The following RBFOX1 variants were observed in gnomAD, a reference collection of about 807,000 sequenced individuals.
The protein encoded by RBFOX1 is RNA binding fox-1 homolog 1.
A neutral mutation model predicts 57.7 loss-of-function variants in RBFOX1; 8 were observed. The ratio of observed to expected loss-of-function variants is 0.14; its 90% CI spans 0.08 to 0.25. RBFOX1 has a LOEUF of 0.25. RBFOX1 is among the 10% of genes least tolerant of loss of function. RBFOX1 has a pLI of 1.00. For missense variants in RBFOX1, 611 were observed against 548.5 expected (o/e 1.11, Z -1.14); for synonymous variants, 326 against 222.4 (o/e 1.47, Z -4.15).
At chr16:6,304,000 C>T (rs978500200) in intron 1 of RBFOX1, among the ~76,000 whole-genome samples, 14 of 150,976 alleles carry the variant, frequency 9.3e-5, no homozygotes, top group Admixed American at 3.3e-4. Flanking sequence ...TTAGTAGAAT[C>T]GGGGTTTCAC....
At chr16:6,264,677 C>G (rs544249952) in intron 1 of RBFOX1, among the ~76,000 whole-genome samples, 1 of 152,196 alleles carries the variant, frequency 6.6e-6, no homozygotes, top group East Asian at 1.9e-4. Flanking sequence ...TAATCCGGAT[C>G]ACTGGATAGA....
chr16:6,423,311 C>G (rs528780621), intron 2 of RBFOX1, among the ~76,000 whole-genome samples: 3 of 152,292 alleles, frequency 2.0e-5, no homozygotes, highest in South Asian at 4.1e-4. Context: ...GGAGGCACGT[C>G]TTCCTGACCA....
intron 2 of RBFOX1, among the ~76,000 whole-genome samples, chr16:6,375,452 A>T (rs1199935657): frequency 6.6e-6 from 1 of 151,936 alleles, no homozygotes; most frequent in Non-Finnish European, 1.5e-5. Flanking sequence ...AAGCCAAAAG[A>T]AGAAAACTGG....
chr16:6,410,303 CTTTTT>C (rs34012786), intron 2 of RBFOX1, among the ~76,000 whole-genome samples: 2 of 86,744 alleles, frequency 2.3e-5, no homozygotes, highest in African/African-American at 5.0e-5. Context: ...ACCTAGGGTT[CTTTTT>C]TTTTTTTTTT....
At chr16:6,951,224 C>T (rs945814352) in intron 3 of RBFOX1, among the ~76,000 whole-genome samples, 7 of 151,910 alleles carry the variant, frequency 4.6e-5, no homozygotes, top group Admixed American at 1.3e-4. Flanking sequence ...TTTTTCTTAA[C>T]CAGTTAAGAA....
At chr16:7,534,956 C>T (rs781117951) in intron 5 of RBFOX1, among the ~76,000 whole-genome samples, 12 of 152,128 alleles carry the variant, frequency 7.9e-5, no homozygotes, top group Non-Finnish European at 1.2e-4. Flanking sequence ...GGGGCTGAGC[C>T]CTTGGTAATG....
chr16:5,548,158 TAAAAAAA>T (rs59117140), intron 2 of RBFOX1, among the ~76,000 whole-genome samples: 66 of 82,422 alleles, frequency 8.0e-4, no homozygotes, highest in East Asian at 1.2e-3. Flanking sequence ...AAGACTCTGT[TAAAAAAA>T]AAAAAAAAAA....
At chr16:6,596,948 G>C (rs2097781948) in intron 2 of RBFOX1, among the ~76,000 whole-genome samples, 1 of 152,144 alleles carries the variant, frequency 6.6e-6, no homozygotes, top group African/African-American at 2.4e-5. Context: ...GCAGCCCCTG[G>C]TTTCTGCCAC....
intron 2 of RBFOX1, among the ~76,000 whole-genome samples, chr16:5,473,441 A>G (rs1333591004): frequency 2.6e-5 from 4 of 151,838 alleles, no homozygotes; most frequent in African/African-American, 4.8e-5. Flanking sequence ...CTATGGATCT[A>G]TAAAATTCCT....
At chr16:6,290,900 T>G (rs888802654) in intron 1 of RBFOX1, among the ~76,000 whole-genome samples, 1 of 152,138 alleles carries the variant, frequency 6.6e-6, no homozygotes, top group African/African-American at 2.4e-5. Flanking sequence ...AGCAAGTTTA[T>G]TAAGAGAGTA....
upstream of RBFOX1, chr16:6,018,963 G>T: frequency 2.1e-6 from 1 of 481,886 alleles, no homozygotes. Context: ...GGCTGCACGC[G>T]TGACCGCGGC....
chr16:6,373,275 A>G (rs1239629166), intron 2 of RBFOX1, among the ~76,000 whole-genome samples: 2 of 151,000 alleles, frequency 1.3e-5, no homozygotes, highest in Admixed American at 1.3e-4. Context: ...ATTGGGTGGA[A>G]GTATTGTCGG....
intron 14 of RBFOX1, among the ~76,000 whole-genome samples, chr16:7,677,161 C>CACACACACT (rs2073578174): frequency 2.3e-5 from 1 of 43,924 alleles, no homozygotes; most frequent in Admixed American, 3.2e-4. Flanking sequence ...ACACACACAC[C>CACACACACT]GTACAACCTT....
intron 2 of RBFOX1, among the ~76,000 whole-genome samples, chr16:6,484,832 G>C (rs1279428666): frequency 6.6e-6 from 1 of 152,208 alleles, no homozygotes; most frequent in Non-Finnish European, 1.5e-5. Flanking sequence ...TCTTCACGTA[G>C]AAGAATTTAC....
intron 1 of RBFOX1, among the ~76,000 whole-genome samples, chr16:6,156,203 C>G (rs2096837184): frequency 6.6e-6 from 1 of 152,194 alleles, no homozygotes; most frequent in South Asian, 2.1e-4. Flanking sequence ...TCTGTGACCT[C>G]TTAGCACACA....
intron 14 of RBFOX1, among the ~76,000 whole-genome samples, chr16:7,694,996 C>T (rs372723410): frequency 6.6e-6 from 1 of 152,144 alleles, no homozygotes; most frequent in Non-Finnish European, 1.5e-5. Context: ...TAAACCCTGC[C>T]TTATAAGCAA....
intron 1 of RBFOX1, among the ~76,000 whole-genome samples, chr16:6,134,779 G>A (rs937589998): frequency 6.6e-6 from 1 of 151,322 alleles, no homozygotes; most frequent in Non-Finnish European, 1.5e-5. Flanking sequence ...CCGGGTTCAC[G>A]CCATAAACTC....
chr16:6,191,135 T>G (rs2097139206), intron 1 of RBFOX1, among the ~76,000 whole-genome samples: 1 of 151,840 alleles, frequency 6.6e-6, no homozygotes, highest in Non-Finnish European at 1.5e-5. Flanking sequence ...TGTGGTTTTT[T>G]TTTTTTTTTT....
At chr16:5,941,319 A>T (rs959506876) in intron 4 of RBFOX1, among the ~76,000 whole-genome samples, 2 of 151,958 alleles carry the variant, frequency 1.3e-5, no homozygotes, top group East Asian at 1.9e-4. Context: ...GTGAGATCTT[A>T]TCTCTACATT....
Sources: allele counts gnomAD v4.1 joint callset (sites outside exome capture counted in the v4.1 genomes callset), GRCh38; gene constraint gnomAD v4.1.1; transcripts MANE v1.5; gene names NCBI Gene and HGNC (gene_info 2026-07-23, HGNC 2026-07-21).